SERPINF2: variants seen among roughly 807,000 people sequenced by gnomAD.
SERPINF2 encodes alpha-2-antiplasmin.
Under a neutral mutation model 45.0 loss-of-function variants are expected in SERPINF2, and 15 were observed. The observed-to-expected ratio is 0.33, with a 90% confidence interval of 0.22 to 0.51. SERPINF2 has a LOEUF of 0.51. Ranked by LOEUF, SERPINF2 falls within the 20% of genes least tolerant of loss-of-function variation. SERPINF2 has a pLI of 0.97. For synonymous variants in SERPINF2, 283 were observed against 277.9 expected, an observed-to-expected ratio of 1.02 and a Z score of -0.18; for missense variants, 518 against 637.4, an observed-to-expected ratio of 0.81 and a Z score of 2.02.
chr17:1,753,547 G>A (rs1022277064), intron 9 of SERPINF2, among the ~76,000 whole-genome samples: 6 of 152,278 alleles, frequency 3.9e-5, no homozygotes, highest in South Asian at 4.1e-4. Flanking sequence ...TTAGCCGGGC[G>A]TGGTGGCGCA....
Position 1,750,079 on chromosome 17 carries a change from C to T in SERPINF2, c.858+1339C>T, listed in dbSNP as rs146335989. Among the ~76,000 whole-genome samples, 34 of 151,850 alleles carry T rather than the reference C, an allele frequency of 2.2e-4. No individual in the cohort carries two copies. The East Asian group carries it at 6.6e-3, about 29-fold the overall frequency. On this transcript the variant is annotated intron_variant, in intron 8 of 9. Transcript: ENST00000453066. ...GCCTCTGCCTCCTGGGTTCAAGCCA[C>T]TCTCCTGCCTCAACCTCTCGAGTAG...
chr17:1,754,696 C>CG lies in SERPINF2; in HGVS notation c.*163dup. On this transcript the variant is annotated 3_prime_UTR_variant, in exon 10 of 10. Coordinates refer to ENST00000453066, the MANE Select transcript of SERPINF2 (RefSeq NM_000934.4). Reference sequence around the variant, plus strand: ...TGGGGAGTTTAGGGTGGGGGGGGGGCGCGGCTGGGAGGAGGGCAGGCATCG... The same window carrying CG: ...TGGGGAGTTTAGGGTGGGGGGGGGGCGGCGGCTGGGAGGAGGGCAGGCATCG... 2 of 269,958 alleles carry CG rather than the reference C, an allele frequency of 7.4e-6. No individual in the cohort carries two copies. Among genetic ancestry groups the CG allele is most frequent in the Non-Finnish European group, 1.3e-5 (2 of 155,980 alleles). The allele number at this position is 269,958 out of a possible 1,614,324, so 16.7% of individuals were successfully genotyped here. A position where few individuals can be genotyped will look rare whatever the true frequency, so the allele number is the denominator to read the frequency against.
In SERPINF2 at chr17:1,751,640, G is replaced by C. The variant is rs185077674; in HGVS notation, c.859-946G>C. Among the ~76,000 whole-genome samples, 40 of 137,188 alleles carry C rather than the reference G, an allele frequency of 2.9e-4. 1 individual carries two copies. The highest frequency in any genetic ancestry group is 9.1e-4 in the African/African-American group (37 of 40,662). 90.0% of individuals were successfully genotyped at this position (137,188 alleles called of 152,430 possible). The stretch of plus-strand genomic sequence containing the variant: ...GTAGTGGCGGGCACCTGTAATCCCA[G>C]CTACTCGGGAGGCTGAGGCAGAAGA... On this transcript the variant is annotated intron_variant, in intron 8 of 9. Transcript: ENST00000453066.
chr17:1,753,632 G>A (rs929761950), intron 9 of SERPINF2, among the ~76,000 whole-genome samples: 1 of 152,278 alleles, frequency 6.6e-6, no homozygotes, highest in South Asian at 2.1e-4. Flanking sequence ...GTTGCAGTGA[G>A]CCGAGATCAC....
At chr17:1,749,028 G>T (rs1380551918) in intron 8 of SERPINF2, among the ~76,000 whole-genome samples, 1 of 152,218 alleles carries the variant, frequency 6.6e-6, no homozygotes, top group African/African-American at 2.4e-5. Context: ...CATGAGGGAG[G>T]CCAGGTCTCT....
rs917982415 is a variant in SERPINF2, at chr17:1,754,844, G to A, written c.*310G>A. ...AGGAGACAGGTTAGCTGCTCCCCAC[G>A]TCAGCTGGGACACCCCGACTTTTGT... On this transcript the variant is annotated 3_prime_UTR_variant, in exon 10 of 10. Coordinates refer to ENST00000453066, the MANE Select transcript of SERPINF2 (RefSeq NM_000934.4). The A allele has an allele frequency of 1.1e-5, 5 of 457,904 alleles. No homozygotes were observed. In the South Asian group the frequency reaches 1.3e-4, roughly 12 times the overall value. 28.4% of individuals were successfully genotyped at this position (457,904 alleles called of 1,614,324 possible).
At position 1,745,982 on chromosome 17, in the gene SERPINF2, C is replaced by A; in HGVS notation, c.367+73C>A. 6.6e-7 allele frequency: 1 copy of A among 1,522,040 alleles called. No homozygotes were observed. The allele number at this position is 1,522,040 out of a possible 1,614,324, so 94.3% of individuals were successfully genotyped here. A position where few individuals can be genotyped will look rare whatever the true frequency, so the allele number is the denominator to read the frequency against. On this transcript the variant is annotated intron_variant, in intron 5 of 9. Transcript: ENST00000453066. The surrounding 1 kb of genome is among the most constrained non-coding windows in gnomAD (Gnocchi z 6.2). ...GGAACTCAGTACTCCAATGGTTCTC[C>A]GCGGGCGGTTCCTCCACCAGGGTCA...
Position 1,745,401 on chromosome 17 carries a change from A to C in SERPINF2, c.165+6A>C. On this transcript the variant is annotated splice_donor_region_variant and intron_variant, in intron 4 of 9. Transcript: ENST00000453066. This position sits in a 1 kb window ranked among gnomAD's most constrained non-coding sequence, Gnocchi z 6.2. The stretch of plus-strand genomic sequence containing the variant: ...TCCTCAAGTTGGGCAACCAGGTACA[A>C]CCAGGTGGGGCTGGGGAAGAGTGGG... 1 of 1,399,072 alleles carries C rather than the reference A, an allele frequency of 7.1e-7. No homozygotes were observed. Among genetic ancestry groups the C allele is most frequent in the Non-Finnish European group, 9.5e-7 (1 of 1,047,800 alleles). 86.7% of individuals were successfully genotyped at this position (1,399,072 alleles called of 1,614,324 possible).
chr17:1,744,774 C>A (rs1905639207), intron 1 of SERPINF2: 2 of 985,286 alleles, frequency 2.0e-6, no homozygotes, highest in South Asian at 9.4e-5. Context: ...ATATGAAACA[C>A]CAGAAACTAA....
intron 5 of SERPINF2, among the ~76,000 whole-genome samples, chr17:1,746,299 A>G (rs1296638213): frequency 6.6e-6 from 1 of 152,054 alleles, no homozygotes; most frequent in East Asian, 1.9e-4. Context: ...CCTGGGTGAC[A>G]GAGCAAGATT....
intron 1 of SERPINF2, among the ~76,000 whole-genome samples, chr17:1,743,543 C>T (rs1905491070): frequency 6.6e-6 from 1 of 151,564 alleles, no homozygotes; most frequent in African/African-American, 2.4e-5. Context: ...TGGAGAAACC[C>T]TGTCTCTACT....
chr17:1,744,919 G>T, intron 1 of SERPINF2, 73 bp from the exon 2 acceptor site: 1 of 1,609,968 alleles, frequency 6.2e-7, no homozygotes, highest in Non-Finnish European at 8.5e-7. Flanking sequence ...CGTTATCTGT[G>T]ATCGCGTGGG....
intron 1 of SERPINF2, among the ~76,000 whole-genome samples, chr17:1,744,385 C>A (rs1034935239): frequency 6.6e-6 from 1 of 151,924 alleles, no homozygotes. Flanking sequence ...CCCAGCTATT[C>A]GGGAGGCTGA....
At chr17:1,744,679 G>A (rs987988292) in intron 1 of SERPINF2, 82 of 985,302 alleles carry the variant, frequency 8.3e-5, no homozygotes, top group East Asian at 2.3e-4. Context: ...GATTCACAGC[G>A]CAGGGCCTTG....
chr17:1,754,085 A>G (rs1230239301), intron 9 of SERPINF2, 37 bp from the exon 10 acceptor site: 2 of 1,599,264 alleles, frequency 1.3e-6, no homozygotes, highest in South Asian at 2.2e-5. Context: ...TGTGAGGCCA[A>G]GGGCAGCTCT....
Position 1,745,223 on chromosome 17 carries a change from A to C in SERPINF2, c.102+10A>C. On this transcript the variant is annotated intron_variant, in intron 3 of 9. Transcript: ENST00000453066. This position sits in a 1 kb window ranked among gnomAD's most constrained non-coding sequence, Gnocchi z 6.2. ...GCCCTTGGGCCGGCAGGTACTGGGG[A>C]GTGAGGAGCCTGTGATGGGGGGAAG... The C allele has an allele frequency of 1.4e-6, 2 of 1,445,106 alleles. No homozygotes were observed. The highest frequency in any genetic ancestry group is 1.8e-6 in the Non-Finnish European group (2 of 1,094,528). The allele number at this position is 1,445,106 out of a possible 1,614,324, so 89.5% of individuals were successfully genotyped here. A position where few individuals can be genotyped will look rare whatever the true frequency, so the allele number is the denominator to read the frequency against.
intron 8 of SERPINF2, among the ~76,000 whole-genome samples, chr17:1,752,045 C>CTTT (rs1906443069): frequency 2.2e-5 from 3 of 138,008 alleles, no homozygotes; most frequent in Non-Finnish European, 3.3e-5. Flanking sequence ...GACACTGCTA[C>CTTT]AATGTTGTTT....
Position 1,752,671 on chromosome 17 carries a change from C to G in SERPINF2, c.944C>G (p.Ala315Gly). 1.2e-6 allele frequency: 2 copies of G among 1,614,184 alleles called. No homozygotes were observed. The highest frequency in any genetic ancestry group is 2.2e-5 in the East Asian group (1 of 44,884). ...GAATGGAACGTGTCCCAGGTACTGG[C>G]CAACCTGAGTTGGGACACCCTGCAC... ...HFEWNVSQVL[A>G]NLSWDTLHPP... Residue 315 changes from alanine (A) to glycine (G), a missense_variant, in exon 9 of 10, where the codon GCC (alanine) becomes GGC (glycine). Physicochemically the swap from Ala to Gly is moderately conservative, Grantham distance 60. Coordinates refer to ENST00000453066, the MANE Select transcript of SERPINF2 (RefSeq NM_000934.4).
intron 1 of SERPINF2, among the ~76,000 whole-genome samples, chr17:1,743,611 A>G (rs1339335154): frequency 6.9e-6 from 1 of 145,418 alleles, no homozygotes; most frequent in Non-Finnish European, 1.5e-5. Flanking sequence ...GCTACTCGGG[A>G]GGCTGAGGCA....
Sources: allele counts gnomAD v4.1 joint callset (sites outside exome capture counted in the v4.1 genomes callset), GRCh38; gene constraint gnomAD v4.1.1; non-coding constraint Gnocchi (gnomAD v3.1); transcripts MANE v1.5; gene names NCBI Gene and HGNC (gene_info 2026-07-23, HGNC 2026-07-21).